WNK3: variants seen among roughly 807,000 people sequenced by gnomAD.
WNK3 encodes serine/threonine-protein kinase WNK3.
A neutral mutation model predicts 116.7 loss-of-function variants in WNK3; 18 were observed. That is an observed-to-expected ratio of 0.15 (90% CI 0.11 to 0.23). The LOEUF is 0.23. Among genes scored for constraint, WNK3 ranks in the 10% least tolerant of loss-of-function variants. WNK3 has a pLI of 1.00. For missense variants in WNK3, 993 were observed against 1,323.8 expected (o/e 0.75, Z 3.88); for synonymous variants, 404 against 469.4 (o/e 0.86, Z 1.80).
chrX:54,252,481 T>C (rs959850718), intron 13 of WNK3, among the ~76,000 whole-genome samples: 10 of 110,362 alleles, frequency 9.1e-5, no homozygotes, highest in African/African-American at 3.3e-4. Context: ...ACCAGCCTGG[T>C]CAACATGGCG....
At chrX:54,263,211 T>C (rs1346550820) in intron 10 of WNK3, among the ~76,000 whole-genome samples, 1 of 111,753 alleles carries the variant, frequency 8.9e-6, no homozygotes, top group Non-Finnish European at 1.9e-5. Context: ...AGATTCTTAT[T>C]CAGTTATTAT....
chrX:54,329,716 A>G (rs1211537566), intron 2 of WNK3, among the ~76,000 whole-genome samples: 1 of 111,201 alleles, frequency 9.0e-6, no homozygotes, highest in Non-Finnish European at 1.9e-5. Flanking sequence ...TTACCTAAAC[A>G]TCCTTTAACA....
At chrX:54,197,067 G>A (rs535221153) in exon 24 of WNK3, 2 of 112,206 alleles carry the variant, frequency 1.8e-5, no homozygotes, top group South Asian at 3.8e-4. Flanking sequence ...TAAAGCCAGT[G>A]TTTCATATGT....
chrX:54,287,400 T>C (rs1316618859), intron 10 of WNK3, among the ~76,000 whole-genome samples: 1 of 111,751 alleles, frequency 8.9e-6, no homozygotes, highest in Non-Finnish European at 1.9e-5. Flanking sequence ...GTCTGAAATA[T>C]ACATTACTGA....
intron 10 of WNK3, among the ~76,000 whole-genome samples, chrX:54,263,115 C>T (rs1557156980): frequency 9.1e-6 from 1 of 109,945 alleles, no homozygotes; most frequent in Non-Finnish European, 1.9e-5. Flanking sequence ...CACTCCTCTC[C>T]TCCTCCCATT....
intron 2 of WNK3, among the ~76,000 whole-genome samples, chrX:54,312,149 C>T (rs2068894162): frequency 9.2e-6 from 1 of 109,247 alleles, no homozygotes; most frequent in African/African-American, 3.3e-5. Context: ...AGACCCCCGT[C>T]TCTACAAAAA....
chrX:54,260,443 T>C (rs1039944495), intron 10 of WNK3, among the ~76,000 whole-genome samples: 9 of 111,903 alleles, frequency 8.0e-5, no homozygotes, highest in Admixed American at 2.9e-4. Context: ...GACAAGTGTA[T>C]GTACTAATCA....
chrX:54,269,675 T>C (rs1664684949), intron 10 of WNK3, among the ~76,000 whole-genome samples: 1 of 110,846 alleles, frequency 9.0e-6, no homozygotes, highest in African/African-American at 3.3e-5. Flanking sequence ...CTAATGTACA[T>C]GGATAGGAGA....
intron 1 of WNK3, among the ~76,000 whole-genome samples, chrX:54,341,520 G>A (rs2069324025): frequency 9.0e-6 from 1 of 110,740 alleles, no homozygotes; most frequent in Non-Finnish European, 1.9e-5. Context: ...AGAAGTTCAA[G>A]GCTGCAGTGT....
intron 17 of WNK3, among the ~76,000 whole-genome samples, chrX:54,240,252 G>A (rs948886211): frequency 4.6e-5 from 5 of 108,543 alleles, no homozygotes; most frequent in African/African-American, 1.7e-4. Flanking sequence ...GCAATGAGCC[G>A]AGATCGCACC....
rs1416580047 is a variant in WNK3 at position 54,235,031 on chromosome X, T to C, written c.4628+1907A>G. 5.4e-5 allele frequency among the ~76,000 whole-genome samples: 6 copies of C among 111,963 alleles called. No homozygotes were observed. In the Admixed American group the frequency reaches 5.7e-4, roughly 11 times the overall value. On this transcript the variant is annotated intron_variant, in intron 20 of 23. Coordinates refer to ENST00000354646, the Ensembl canonical transcript of WNK3. ...ATTTTAAAGTGGAATATCAGCCTTC[T>C]GGTGATGAATATTTAAAGTATATAT...
At chrX:54,313,247 G>C (rs2068907750) in intron 2 of WNK3, among the ~76,000 whole-genome samples, 1 of 111,151 alleles carries the variant, frequency 9.0e-6, no homozygotes, top group African/African-American at 3.3e-5. Flanking sequence ...AAGGGTTTTT[G>C]GGGGCCACAT....
intron 10 of WNK3, among the ~76,000 whole-genome samples, chrX:54,277,467 A>G (rs1259174934): frequency 9.3e-6 from 1 of 107,919 alleles, no homozygotes; most frequent in Non-Finnish European, 1.9e-5. Context: ...TCTCCCGAGT[A>G]GCTGGGACTA....
chrX:54,332,861 C>T (rs1369342583), intron 2 of WNK3, among the ~76,000 whole-genome samples: 1 of 100,796 alleles, frequency 9.9e-6, no homozygotes, highest in Non-Finnish European at 2.0e-5. Flanking sequence ...CAAGATTCCG[C>T]CTCAAAAAAA....
Position 54,333,124 on chromosome X carries a change from A to T in WNK3, c.537+13T>A. The T allele has an allele frequency of 8.6e-7, 1 of 1,159,946 alleles. No homozygotes were observed. ...ACTTGAATTTATTATAACCAAGAAG[A>T]TTATATACCTACCTGCAGCTCACAC... On this transcript the variant is annotated intron_variant, in intron 2 of 23. Transcript: ENST00000354646.
chrX:54,307,731 C>T (rs1569538560), intron 5 of WNK3, among the ~76,000 whole-genome samples, 191 bp downstream of exon 5: 1 of 111,054 alleles, frequency 9.0e-6, no homozygotes, highest in African/African-American at 3.3e-5. Flanking sequence ...GATACTAATA[C>T]AGAGCATTTT....
chrX:54,209,410 G>A lies in WNK3; in HGVS notation c.4871-7217C>T, dbSNP rs782123358. On this transcript the variant is annotated intron_variant, in intron 22 of 23. Coordinates refer to ENST00000354646, the Ensembl canonical transcript of WNK3. ...TGCACCCCAGCCTGGGTGACAGAGT[G>A]AGACTCTGTCTAAAAAATAAATAAA... Among the ~76,000 whole-genome samples, 6 of 81,892 alleles carry A rather than the reference G, an allele frequency of 7.3e-5. No individual in the cohort carries two copies. The South Asian group carries it at 4.8e-3, about 66-fold the overall frequency. The allele number at this position is 81,892 out of a possible 115,157, so 71.1% of individuals were successfully genotyped here.
rs1334760182 is a variant in WNK3, at chrX:54,306,863, TTGTG to T, written c.1089+1055_1089+1058del. 2.7e-5 allele frequency among the ~76,000 whole-genome samples: 3 copies of T among 111,323 alleles called. No individual in the cohort carries two copies. The Admixed American group carries it at 2.9e-4, about 11-fold the overall frequency. On this transcript the variant is annotated intron_variant, in intron 5 of 23. Transcript: ENST00000354646. ...CTAGCCTGATTTAATCATTCCACAT[TTGTG>T]TGTGTGTATCTCAAAACATCACATG... is the stretch of plus-strand genomic sequence containing the variant.
chrX:54,229,868 T>C (rs1397158419), intron 21 of WNK3, among the ~76,000 whole-genome samples: 1 of 111,528 alleles, frequency 9.0e-6, no homozygotes, highest in African/African-American at 3.2e-5. Flanking sequence ...ATACAAAAAG[T>C]AATTCCAAAT....
Sources: allele counts gnomAD v4.1 joint callset (sites outside exome capture counted in the v4.1 genomes callset), GRCh38; gene constraint gnomAD v4.1.1; transcripts MANE v1.5; gene names NCBI Gene and HGNC (gene_info 2026-07-23, HGNC 2026-07-21).